The following ARHGEF33 variants were observed in gnomAD, a reference collection of about 807,000 sequenced individuals.
The protein encoded by ARHGEF33 is Rho guanine nucleotide exchange factor 33, also known as DH and coiled-coil domain-containing protein ENSP00000381780.
ARHGEF33 carries 72 observed loss-of-function variants against 101.9 expected under a neutral mutation model. That is an observed-to-expected ratio of 0.71 (90% CI 0.58 to 0.86). The LOEUF is 0.86. Among genes scored for constraint, ARHGEF33 ranks in the 40% least tolerant of loss-of-function variants. ARHGEF33 has a pLI of 0.00. For missense variants in ARHGEF33, 1,169 were observed against 1,111.3 expected (o/e 1.05, Z -0.74); for synonymous variants, 499 against 442.5 (o/e 1.13, Z -1.60).
intron 8 of ARHGEF33, 33 bp downstream of exon 8, chr2:38,935,867 C>A: frequency 1.3e-6 from 2 of 1,491,476 alleles, no homozygotes; most frequent in African/African-American, 1.4e-5. Context: ...TTCTTTTCTT[C>A]CAGCAATTCC....
Position 38,929,712 on chromosome 2 carries a change from G to C in ARHGEF33, c.244G>C (p.Glu82Gln). The change falls in exon 6 of 18, where the codon GAG (glutamate) becomes CAG (glutamine). Residue 82 changes from glutamate (E) to glutamine (Q), a missense_variant. Coordinates refer to ENST00000409978, the MANE Select transcript of ARHGEF33 (RefSeq NM_001145451.5). ...MKNSLNYFKE[E>Q]LSNAMSMIQA... ...CATAGCAATTCTTATTTTTTAGGAAGAGCTGAGCAATGCCATGTCGATGAT... is the reference window on the plus strand; with the variant it reads ...CATAGCAATTCTTATTTTTTAGGAACAGCTGAGCAATGCCATGTCGATGAT... The C allele has an allele frequency of 6.4e-7, 1 of 1,551,418 alleles. No homozygotes were observed. The highest frequency in any genetic ancestry group is 8.7e-7 in the Non-Finnish European group (1 of 1,146,660).
At chr2:38,953,072 A>G in intron 11 of ARHGEF33, 90 bp from the exon 12 acceptor site, 6 of 687,546 alleles carry the variant, frequency 8.7e-6, no homozygotes, top group Non-Finnish European at 1.6e-5. Context: ...ATCTCTGCAA[A>G]GTACTCTTCT....
At chr2:38,973,237 T>C (rs1286255961) in intron 17 of ARHGEF33, 1 of 152,790 alleles carries the variant, frequency 6.5e-6, no homozygotes, top group Non-Finnish European at 1.5e-5. Context: ...GTAGCATATA[T>C]GTGTGGTTGG....
At chr2:38,939,550 G>A (rs546073381) in intron 9 of ARHGEF33, among the ~76,000 whole-genome samples, 122 of 152,328 alleles carry the variant, frequency 8.0e-4, no homozygotes, top group African/African-American at 2.8e-3. Flanking sequence ...GTATCACACT[G>A]TAGTTTTAAT....
At chr2:38,921,889 T>C (rs1199702242) in intron 4 of ARHGEF33, among the ~76,000 whole-genome samples, 1 of 152,208 alleles carries the variant, frequency 6.6e-6, no homozygotes, top group Non-Finnish European at 1.5e-5. Context: ...TTTTTCTTAC[T>C]TTTCTATTTT....
chr2:38,920,921 A>G (rs1200739349), intron 3 of ARHGEF33, among the ~76,000 whole-genome samples: 1 of 152,146 alleles, frequency 6.6e-6, no homozygotes, highest in African/African-American at 2.4e-5. Flanking sequence ...AAGTCTGTCA[A>G]AGATCAGAGG....
intron 9 of ARHGEF33, 55 bp from the exon 10 acceptor site, chr2:38,943,846 T>C: frequency 6.6e-7 from 1 of 1,506,768 alleles, no homozygotes. Context: ...TTGCATTTAA[T>C]GGGATTTTAG....
In ARHGEF33 at chr2:38,908,435, C is replaced by G. The variant is rs901647052; in HGVS notation, c.-85-10928C>G. 2.0e-5 allele frequency among the ~76,000 whole-genome samples: 3 copies of G among 152,242 alleles called. No individual in the cohort carries two copies. In the Middle Eastern group the frequency reaches 0.01, roughly 518 times the overall value. ...ATAAGTTTTTATGTCTTCAATGAGG[C>G]ATTTTTAAACTTAAAATATCTCTGG... On this transcript the variant is annotated intron_variant, in intron 2 of 17. Transcript: ENST00000409978.
At chr2:38,958,895 C>A (rs1667842446) in intron 15 of ARHGEF33, among the ~76,000 whole-genome samples, 1 of 151,914 alleles carries the variant, frequency 6.6e-6, no homozygotes, top group Non-Finnish European at 1.5e-5. Flanking sequence ...GGCCAGGCTG[C>A]CACCATGCCC....
At position 38,894,671 on chromosome 2, in the gene ARHGEF33, C is replaced by T. The variant is rs537951759; in HGVS notation, c.-158-1106C>T. Among the ~76,000 whole-genome samples the T allele has an allele frequency of 1.2e-4, 19 of 152,078 alleles. No homozygotes were observed. In the South Asian group the frequency reaches 1.5e-3, roughly 12 times the overall value. On this transcript the variant is annotated intron_variant, in intron 1 of 17. Transcript: ENST00000409978. ...CTCACTGATGTTCAGCCAGCAGGAA[C>T]GAGGAATGGGGAAAAAAGGTGTGTT...
chr2:38,935,727 C>G lies in ARHGEF33; in HGVS notation c.506-48C>G, dbSNP rs184838250. The G allele has an allele frequency of 5.3e-6, 8 of 1,500,706 alleles. No homozygotes were observed. In the South Asian group the frequency reaches 8.5e-5, roughly 16 times the overall value. 93.0% of individuals were successfully genotyped at this position (1,500,706 alleles called of 1,614,324 possible). On this transcript the variant is annotated intron_variant, in intron 7 of 17. Coordinates refer to ENST00000409978, the MANE Select transcript of ARHGEF33 (RefSeq NM_001145451.5). ...GCCAGGCTCGTGGAAGGTGCTTAGT[C>G]CATGTTAGTGGAATGAACGCTGAAT...
rs964924270 is a variant in ARHGEF33, at chr2:38,966,012, C to T, written c.2350C>T (p.His784Tyr). The stretch of plus-strand genomic sequence containing the variant: ...CCCTCTTTTTTGTTTCCAGGAGATG[C>T]ATTTAGAAGATACTACCAGATTCTG... ...QTYLEVRREM[H>Y]LEDTTRFCPK... The change falls in exon 17 of 18, where the codon CAT becomes TAT. Residue 784 changes from histidine to tyrosine, a missense_variant. Transcript: ENST00000409978. 1.2e-5 allele frequency: 18 copies of T among 1,551,088 alleles called. No homozygotes were observed. Among genetic ancestry groups the T allele is most frequent in the East Asian group, 2.4e-5 (1 of 40,906 alleles).
chr2:38,913,038 G>GTTTTTTTTT (rs537468439), intron 2 of ARHGEF33, among the ~76,000 whole-genome samples: 1 of 135,784 alleles, frequency 7.4e-6, no homozygotes, highest in Admixed American at 7.4e-5. Context: ...TCAACAAATT[G>GTTTTTTTTT]TTTTTTTTTT....
Position 38,966,045 on chromosome 2 carries a change from G to A in ARHGEF33, c.2383G>A (p.Glu795Lys). 1 of 1,551,654 alleles carries A rather than the reference G, an allele frequency of 6.4e-7. No individual in the cohort carries two copies. Among genetic ancestry groups the A allele is most frequent in the Non-Finnish European group, 8.7e-7 (1 of 1,146,960 alleles). ...AGATACTACCAGATTCTGTCCCAAA[G>A]AAGAAAGAGAAAGTGAACAAACATC... The part of the protein sequence containing the change: ...LEDTTRFCPK[E>K]ERESEQTSFS... Residue 795 changes from glutamate (E) to lysine (K), a missense_variant, in exon 17 of 18, where the codon GAA (glutamate) becomes AAA (lysine). Transcript: ENST00000409978.
chr2:38,956,750 G>A (rs1000999059), intron 13 of ARHGEF33, 149 bp from the exon 14 acceptor site: 51 of 945,144 alleles, frequency 5.4e-5, no homozygotes, highest in East Asian at 4.0e-4. Context: ...ACCTTTCAGC[G>A]TATAATTAGA....
chr2:38,889,896 C>G lies in ARHGEF33; in HGVS notation c.-249C>G, dbSNP rs535417102. The G allele has an allele frequency of 2.1e-6, 1 of 471,006 alleles. No homozygotes were observed. The highest frequency in any genetic ancestry group is 1.5e-5 in the South Asian group (1 of 64,550). 29.2% of individuals were successfully genotyped at this position (471,006 alleles called of 1,614,324 possible). A position where few individuals can be genotyped will look rare whatever the true frequency, so the allele number is the denominator to read the frequency against. On this transcript the variant is annotated 5_prime_UTR_variant, in exon 1 of 18. Transcript: ENST00000409978. ...TCTCGTTTCAGGGGAAGTCAAGCCTCTCTACTGCTTCTTTTTATAACCTTT... is the reference window on the plus strand; with the variant it reads ...TCTCGTTTCAGGGGAAGTCAAGCCTGTCTACTGCTTCTTTTTATAACCTTT...
At chr2:38,950,956 GTT>G (rs1418111088) in intron 10 of ARHGEF33, 31 bp from the exon 11 acceptor site, 1 of 1,547,262 alleles carries the variant, frequency 6.5e-7, no homozygotes, top group Admixed American at 2.0e-5. Flanking sequence ...TCTACACCTT[GTT>G]TGTGTGATTC....
At chr2:38,897,256 A>G (rs971708127) in intron 2 of ARHGEF33, among the ~76,000 whole-genome samples, 1 of 152,238 alleles carries the variant, frequency 6.6e-6, no homozygotes, top group Non-Finnish European at 1.5e-5. Flanking sequence ...AGAGAAAGAT[A>G]TGGAAAGATT....
At chr2:38,933,115 A>G (rs1667043703) in intron 7 of ARHGEF33, among the ~76,000 whole-genome samples, 3 of 152,324 alleles carry the variant, frequency 2.0e-5, no homozygotes, top group Middle Eastern at 3.4e-3. Context: ...TGAGTCAGAA[A>G]TCTGTGCACA....
Sources: gnomAD v4.1 joint callset for allele counts (sites outside exome capture counted in the v4.1 genomes callset) on GRCh38, gnomAD v4.1.1 for gene constraint, MANE v1.5 for transcripts, NCBI Gene and HGNC (gene_info 2026-07-23, HGNC 2026-07-21) for gene names.